Variants in ALOX15 observed in about 807,000 individuals in gnomAD.
The protein encoded by ALOX15 is arachidonate 15-lipoxygenase, also known as polyunsaturated fatty acid lipoxygenase ALOX15.
In ALOX15, 68 loss-of-function variants were observed where a neutral mutation model predicts 71.7. That is an observed-to-expected ratio of 0.95 (90% CI 0.78 to 1.16). The LOEUF is 1.16. Ranked by LOEUF, ALOX15 falls within the 50% of genes most tolerant of loss-of-function variation. The pLI is 0.00. For missense variants in ALOX15, 798 were observed against 818.8 expected (o/e 0.97, Z 0.31); for synonymous variants, 346 against 333.3 (o/e 1.04, Z -0.42).
At chr17:4,639,302 G>C (rs1306535982) in intron 2 of ALOX15, 128 bp downstream of exon 2, 1 of 1,380,830 alleles carries the variant, frequency 7.2e-7, no homozygotes, top group Non-Finnish European at 9.9e-7. Flanking sequence ...CCGCCCCTTC[G>C]ACACCCCCAA....
In ALOX15 at chr17:4,631,426, G is replaced by A. The variant is rs376040516; in HGVS notation, c.*174C>T. 2.9e-6 allele frequency: 2 copies of A among 690,210 alleles called. No homozygotes were observed. Among genetic ancestry groups the A allele is most frequent in the South Asian group, 4.0e-5 (2 of 50,440 alleles). 42.8% of individuals were successfully genotyped at this position (690,210 alleles called of 1,614,324 possible). A position where few individuals can be genotyped will look rare whatever the true frequency, so the allele number is the denominator to read the frequency against. On this transcript the variant is annotated 3_prime_UTR_variant, in exon 14 of 14. Coordinates refer to ENST00000293761, the MANE Select transcript of ALOX15 (RefSeq NM_001140.5). ...AGGAAAGAGGAGTAAGGTCCCAGGT[G>A]ATGCCTCTAGAGTAAAATGTGTTCA...
intron 8 of ALOX15, among the ~76,000 whole-genome samples, chr17:4,635,096 TCC>T (rs901648057): frequency 5.9e-5 from 9 of 151,890 alleles, no homozygotes; most frequent in Non-Finnish European, 1.2e-4. Flanking sequence ...CCTCCCTCTC[TCC>T]TTCATCCATT....
intron 1 of ALOX15, among the ~76,000 whole-genome samples, chr17:4,641,178 G>C (rs1272931374): frequency 2.0e-5 from 3 of 151,420 alleles, no homozygotes; most frequent in Non-Finnish European, 4.4e-5. Flanking sequence ...GCTAGCGGTT[G>C]AAACGGTTTT....
Position 4,638,662 on chromosome 17 carries a change from C to T in ALOX15, c.565G>A (p.Asp189Asn), listed in dbSNP as rs572194467. The T allele has an allele frequency of 1.9e-5, 30 of 1,614,196 alleles. No individual in the cohort carries two copies. The South Asian group carries it at 3.0e-4, about 16-fold the overall frequency. Residue 189 changes from aspartate (D) to asparagine (N), a missense_variant, in exon 5 of 14, where the codon GAC (aspartate) becomes AAC (asparagine). By Grantham distance (23) the Asp-to-Asn change is conservative. Around this residue, in one of 3 missense-constraint regions of ALOX15, gnomAD observed 300 missense variants for 283.1 expected, o/e 1.06. Coordinates refer to ENST00000293761, the MANE Select transcript of ALOX15 (RefSeq NM_001140.5). ...AKGLADLAIKDSLNVLTCWKD... is the reference protein window; with the variant it reads ...AKGLADLAIKNSLNVLTCWKD... The stretch of plus-strand genomic sequence containing the variant: ...CAGCAAGTCAGAACATTTAGAGAGT[C>T]TTTGATAGCGAGGTCGGCCAGCCTT...
chr17:4,639,485 G>A lies in ALOX15; in HGVS notation c.282C>T (p.Phe94=), dbSNP rs771328949. ...TGCCCTCCACCCAGCGGTAACAAGG[G>A]AACCTGACCTCGTCCCCGGCTCCGG... The part of the protein sequence containing the change: ...QGPGAGDEVR[F]PCYRWVEGNG... The change falls in exon 2 of 14, where the codon TTC becomes TTT. Residue 94 remains phenylalanine (F), a synonymous_variant. Coordinates refer to ENST00000293761, the MANE Select transcript of ALOX15 (RefSeq NM_001140.5). 3.1e-6 allele frequency: 5 copies of A among 1,613,910 alleles called. No homozygotes were observed. In the South Asian group the frequency reaches 5.5e-5, roughly 18 times the overall value.
rs556495978 is a variant in ALOX15 at position 4,637,062 on chromosome 17, C to T, written c.951+53G>A. On this transcript the variant is annotated intron_variant, in intron 7 of 13. Transcript: ENST00000293761. ...GTGCTCAGTAAATTTTGATAAGGGG[C>T]TGAGCTTTCTCAAAAGCCAGAGACT... The T allele has an allele frequency of 1.4e-5, 22 of 1,571,130 alleles. No individual in the cohort carries two copies. In the African/African-American group the frequency reaches 2.4e-4, roughly 17 times the overall value.
At chr17:4,632,330 G>A (rs1454687784) in intron 11 of ALOX15, 49 bp from the exon 12 acceptor site, 1 of 1,497,300 alleles carries the variant, frequency 6.7e-7, no homozygotes, top group Non-Finnish European at 9.3e-7. Context: ...GAGTAGGGCA[G>A]CGCTCAGAGG....
chr17:4,635,780 C>T lies in ALOX15; in HGVS notation c.1140G>A (p.Pro380=), dbSNP rs142441164. 2.1e-5 allele frequency: 34 copies of T among 1,614,236 alleles called. No homozygotes were observed. The highest frequency in any genetic ancestry group is 2.0e-4 in the African/African-American group (15 of 75,058). The change falls in exon 8 of 14, where the codon CCG becomes CCA. Residue 380 remains proline (P), a synonymous_variant. Transcript: ENST00000293761. ...VIVVATMRCL[P]SIHPIFKLII... ...TTACCTTGAAGATAGGATGTATCGA[C>T]GGCAGGCACCTCATGGTGGCCACAA...
At chr17:4,635,349 G>A (rs757240964) in intron 8 of ALOX15, among the ~76,000 whole-genome samples, 1 of 151,210 alleles carries the variant, frequency 6.6e-6, no homozygotes, top group Admixed American at 6.6e-5. Flanking sequence ...TGGGAGAATT[G>A]CTTAAACCCA....
At position 4,635,927 on chromosome 17, in the gene ALOX15, GA is replaced by G. The variant is rs1478014150; in HGVS notation, c.992del (p.Phe331SerfsTer32). 6.2e-7 allele frequency: 1 copy of G among 1,614,068 alleles called. No homozygotes were observed. Among genetic ancestry groups the G allele is most frequent in the Non-Finnish European group, 8.5e-7 (1 of 1,180,048 alleles). ...AGGCCATTGGGGGATCCGTAGGCAA[GA>G]AAAGGGGAGGTGGTGGGGATCCTGT... The part of the protein sequence containing the change: ...PRTGSPPPPL[F>X]LPTDPPMAWL... On this transcript the variant is annotated frameshift_variant, in exon 8 of 14. Coordinates refer to ENST00000293761, the MANE Select transcript of ALOX15 (RefSeq NM_001140.5). LOFTEE classifies it high-confidence loss of function.
chr17:4,631,799 G>A lies in ALOX15; in HGVS notation c.1810-20C>T. On this transcript the variant is annotated intron_variant, in intron 13 of 13. Coordinates refer to ENST00000293761, the MANE Select transcript of ALOX15 (RefSeq NM_001140.5). ...AGCCACCTGGGAGGGAGAGGAAAAGGTGGCTGAGAGCCTTATGACCCCCAG... is the reference window on the plus strand; with the variant it reads ...AGCCACCTGGGAGGGAGAGGAAAAGATGGCTGAGAGCCTTATGACCCCCAG... 1 of 1,613,566 alleles carries A rather than the reference G, an allele frequency of 6.2e-7. No individual in the cohort carries two copies. Among genetic ancestry groups the A allele is most frequent in the Non-Finnish European group, 8.5e-7 (1 of 1,179,750 alleles).
Position 4,631,962 on chromosome 17 carries a change from G to C in ALOX15, c.1736C>G (p.Thr579Arg). The change falls in exon 13 of 14, where the codon ACA becomes AGA. Residue 579 changes from threonine to arginine, a missense_variant. This residue lies in a region of ALOX15 where 490 missense variants were observed against 509.4 expected (regional missense o/e 0.96). Coordinates refer to ENST00000293761, the MANE Select transcript of ALOX15 (RefSeq NM_001140.5). ...KDATLETVMA[T>R]LPNFHQASLQ... ...AGAAGCCTGGTGGAAGTTGGGCAGT[G>C]TCGCCATCACTGTCTCCAGCGTTGC... 1 of 1,614,148 alleles carries C rather than the reference G, an allele frequency of 6.2e-7. No homozygotes were observed. The highest frequency in any genetic ancestry group is 8.5e-7 in the Non-Finnish European group (1 of 1,180,036).
rs564865192 is a variant in ALOX15 at position 4,632,210 on chromosome 17, C to T, written c.1612G>A (p.Gly538Ser). 172 of 1,614,156 alleles carry T rather than the reference C, an allele frequency of 1.1e-4. 1 individual carries two copies. The South Asian group carries it at 1.6e-3, about 15-fold the overall frequency. ...FVTMCIFTCT[G>S]QHASVHLGQL... ...CCCAGGTGCACAGAGGCGTGTTGGC[C>T]GGTGCAGGTGAAGATACACATGGTG... The change falls in exon 12 of 14, where the codon GGC becomes AGC. Residue 538 changes from glycine to serine, a missense_variant. Physicochemically the swap from Gly to Ser is moderately conservative, Grantham distance 56. Around this residue, in one of 3 missense-constraint regions of ALOX15, gnomAD observed 490 missense variants for 509.4 expected, o/e 0.96. Transcript: ENST00000293761.
In ALOX15 at chr17:4,633,244, G is replaced by C. The variant is rs771820849; in HGVS notation, c.1320C>G (p.Ser440=). ...KQAGAFLTYS[S]FCPPDDLADR... is the part of the protein sequence containing the mutation. ...CGGCCAAGTCATCAGGGGGACAGAA[G>C]GAGCTGTAGGTTAGGAAGGCTCCAG... Residue 440 remains serine, a synonymous_variant, in exon 10 of 14, where the codon TCC becomes TCG. Coordinates refer to ENST00000293761, the MANE Select transcript of ALOX15 (RefSeq NM_001140.5). The C allele has an allele frequency of 3.1e-6, 5 of 1,614,206 alleles. No homozygotes were observed. In the East Asian group the frequency reaches 1.1e-4, roughly 36 times the overall value.
chr17:4,635,744 G>A lies in ALOX15; in HGVS notation c.1161+15C>T. The A allele has an allele frequency of 1.2e-6, 2 of 1,613,792 alleles. No homozygotes were observed. The highest frequency in any genetic ancestry group is 1.3e-5 in the African/African-American group (1 of 75,044). On this transcript the variant is annotated intron_variant, in intron 8 of 13. Transcript: ENST00000293761. ...GAGATAGTGGCAGGCAAGAGAGAAGGGGATAAGGAGTTACCTTGAAGATAG... is the reference window on the plus strand; with the variant it reads ...GAGATAGTGGCAGGCAAGAGAGAAGAGGATAAGGAGTTACCTTGAAGATAG...
At chr17:4,636,846 A>G (rs1409055476) in intron 7 of ALOX15, among the ~76,000 whole-genome samples, 1 of 151,426 alleles carries the variant, frequency 6.6e-6, no homozygotes, top group Non-Finnish European at 1.5e-5. Context: ...CCTCCTCCAA[A>G]GCTCGTGACA....
chr17:4,639,945 G>A, intron 1 of ALOX15: 3 of 226,840 alleles, frequency 1.3e-5, no homozygotes, highest in South Asian at 1.2e-4. Context: ...GTGGAGCCCG[G>A]ACGCGCTGGT....
At position 4,632,201 on chromosome 17, in the gene ALOX15, C is replaced by T. The variant is rs917942648; in HGVS notation, c.1621G>A (p.Ala541Thr). 12 of 1,614,028 alleles carry T rather than the reference C, an allele frequency of 7.4e-6. No homozygotes were observed. The highest frequency in any genetic ancestry group is 1.3e-5 in the African/African-American group (1 of 74,912). ...MCIFTCTGQH[A>T]SVHLGQLDWY... Reference sequence around the variant, plus strand: ...AGTACCTGGCCCAGGTGCACAGAGGCGTGTTGGCCGGTGCAGGTGAAGATA... The same window carrying T: ...AGTACCTGGCCCAGGTGCACAGAGGTGTGTTGGCCGGTGCAGGTGAAGATA... The change falls in exon 12 of 14, where the codon GCC (alanine) becomes ACC (threonine). Residue 541 changes from alanine (A) to threonine (T), a missense_variant. Physicochemically the swap from Ala to Thr is moderately conservative, Grantham distance 58. Coordinates refer to ENST00000293761, the MANE Select transcript of ALOX15 (RefSeq NM_001140.5).
chr17:4,639,351 G>A, intron 2 of ALOX15, 79 bp downstream of exon 2: 3 of 1,553,246 alleles, frequency 1.9e-6, no homozygotes, highest in Non-Finnish European at 2.6e-6. Flanking sequence ...CCCATCCTGC[G>A]CCCTCTTCTC....
Sources: allele counts gnomAD v4.1 joint callset (sites outside exome capture counted in the v4.1 genomes callset), GRCh38; gene constraint gnomAD v4.1.1; regional missense constraint gnomAD v4.1.1; transcripts MANE v1.5; gene names NCBI Gene and HGNC (gene_info 2026-07-23, HGNC 2026-07-21).